The following NELL1 variants were observed in gnomAD, a reference collection of about 807,000 sequenced individuals.
The protein encoded by NELL1 is neural EGFL like 1.
A neutral mutation model predicts 107.4 loss-of-function variants in NELL1; 76 were observed. The ratio of observed to expected loss-of-function variants is 0.71; its 90% confidence interval spans 0.59 to 0.86. The LOEUF is 0.86. Among genes scored for constraint, NELL1 ranks in the 40% least tolerant of loss-of-function variants. NELL1 has a pLI of 0.00. For synonymous variants in NELL1, 353 were observed against 341.2 expected (o/e 1.03, Z -0.38); for missense variants, 1,024 against 1,005.5 (o/e 1.02, Z -0.25).
chr11:21,338,798 G>C (rs531931485), intron 14 of NELL1, among the ~76,000 whole-genome samples: 5 of 152,256 alleles, frequency 3.3e-5, no homozygotes, highest in Admixed American at 2.0e-4. Context: ...GGAAGTAAAT[G>C]ACAAGACTGT....
chr11:20,779,886 T>C (rs1455713684), intron 2 of NELL1, among the ~76,000 whole-genome samples: 1 of 152,236 alleles, frequency 6.6e-6, no homozygotes, highest in Non-Finnish European at 1.5e-5. Flanking sequence ...TAAGGTACTT[T>C]ATCCAAAGTC....
At chr11:21,384,080 A>G (rs1945448) in intron 15 of NELL1, among the ~76,000 whole-genome samples, 4,649 of 151,950 alleles carry the variant, frequency 0.031, 243 homozygotes, top group African/African-American at 0.11. Context: ...ACTTCATATG[A>G]TCTCCACTGC....
At chr11:20,688,390 C>T (rs1182829137) in intron 2 of NELL1, among the ~76,000 whole-genome samples, 1 of 152,086 alleles carries the variant, frequency 6.6e-6, no homozygotes, top group East Asian at 1.9e-4. Context: ...TATCTTCCCC[C>T]TCTCGTAGTT....
In NELL1 at chr11:21,570,870, A is replaced by C. The variant is rs1471102127; in HGVS notation, c.2087A>C (p.Asp696Ala). The C allele has an allele frequency of 6.2e-7, 1 of 1,611,918 alleles. No homozygotes were observed. The highest frequency in any genetic ancestry group is 1.3e-5 in the African/African-American group (1 of 74,728). The change falls in exon 18 of 20, where the codon GAC becomes GCC. Residue 696 changes from aspartate (D) to alanine (A), a missense_variant. By Grantham distance (126) the Asp-to-Ala change is moderately radical. Transcript: ENST00000357134. ...ACCAGAGTCACAAGTCAATGTTTAG[A>C]CCAAAATGGTCACAAGCTGTATCGA... ...CDTRVTSQCL[D>A]QNGHKLYRSG...
intron 3 of NELL1, among the ~76,000 whole-genome samples, chr11:20,790,349 A>G (rs1281792462): frequency 6.6e-6 from 1 of 152,206 alleles, no homozygotes; most frequent in East Asian, 1.9e-4. Context: ...GTGTGTCAGC[A>G]CTGCCCTGAG....
chr11:20,956,665 T>G (rs967352127), intron 11 of NELL1, among the ~76,000 whole-genome samples: 3 of 151,058 alleles, frequency 2.0e-5, no homozygotes, highest in Middle Eastern at 3.2e-3. Flanking sequence ...AAAAAAAAAT[T>G]ACTAATCTCA....
intron 2 of NELL1, among the ~76,000 whole-genome samples, chr11:20,740,083 G>T (rs114175688): frequency 0.019 from 2,926 of 152,260 alleles, 83 homozygotes; most frequent in African/African-American, 0.067. Context: ...ATTTCAGTGA[G>T]GGAAGAATAG....
rs561246645 is a variant in NELL1, at chr11:20,986,570, C to T, written c.1300+26010C>T. 1.8e-4 allele frequency among the ~76,000 whole-genome samples: 27 copies of T among 152,110 alleles called. 1 individual carries two copies. The highest frequency in any genetic ancestry group is 1.3e-4 in the Non-Finnish European group (9 of 68,014). ...TCACTTGGACCCAGGTGCCTGGGCC[C>T]CACCCTTAGAGTTTCTGATTCATTA... On this transcript the variant is annotated intron_variant, in intron 12 of 19. Transcript: ENST00000357134.
At chr11:20,852,304 A>T (rs1848808918) in intron 4 of NELL1, among the ~76,000 whole-genome samples, 1 of 152,220 alleles carries the variant, frequency 6.6e-6, no homozygotes, top group Non-Finnish European at 1.5e-5. Flanking sequence ...GCTATTTATT[A>T]TCCATAGAGC....
chr11:21,416,272 G>T (rs1288642220), intron 15 of NELL1, among the ~76,000 whole-genome samples: 1 of 152,034 alleles, frequency 6.6e-6, no homozygotes, highest in Non-Finnish European at 1.5e-5. Flanking sequence ...TCATAGAAGG[G>T]TGATGTGCTA....
intron 13 of NELL1, among the ~76,000 whole-genome samples, chr11:21,202,381 T>C (rs543467469): frequency 4.3e-4 from 65 of 152,278 alleles, no homozygotes; most frequent in African/African-American, 1.6e-3. Context: ...GGAATTTATC[T>C]ATTTCTTCTA....
intron 7 of NELL1, among the ~76,000 whole-genome samples, chr11:20,924,657 C>T (rs376936405): frequency 5.3e-4 from 80 of 152,160 alleles, no homozygotes; most frequent in African/African-American, 1.8e-3. Context: ...ATATAGACAC[C>T]AGAATTGTTC....
chr11:21,226,364 C>G (rs1380290627), intron 13 of NELL1, among the ~76,000 whole-genome samples: 1 of 152,150 alleles, frequency 6.6e-6, no homozygotes, highest in Non-Finnish European at 1.5e-5. Flanking sequence ...TCAGCCACAT[C>G]CAAATTAACT....
intron 14 of NELL1, among the ~76,000 whole-genome samples, chr11:21,358,244 A>AT (rs1187699000): frequency 6.6e-6 from 1 of 152,004 alleles, no homozygotes; most frequent in African/African-American, 2.4e-5. Context: ...GCAGTATGTG[A>AT]TTTTCACAAT....
At chr11:21,266,866 A>T (rs1398575598) in intron 14 of NELL1, among the ~76,000 whole-genome samples, 1 of 152,114 alleles carries the variant, frequency 6.6e-6, no homozygotes, top group East Asian at 1.9e-4. Flanking sequence ...ATTTACCATT[A>T]TAAGAATGTC....
intron 13 of NELL1, among the ~76,000 whole-genome samples, chr11:21,166,643 CA>C (rs200841154): frequency 2.6e-5 from 4 of 151,708 alleles, no homozygotes; most frequent in Non-Finnish European, 5.9e-5. Flanking sequence ...TAGAAGCGCA[CA>C]AAAAATCTGT....
intron 15 of NELL1, among the ~76,000 whole-genome samples, chr11:21,448,648 C>G (rs141134220): frequency 5.3e-5 from 8 of 152,132 alleles, no homozygotes; most frequent in African/African-American, 1.9e-4. Flanking sequence ...ACCCATGAAA[C>G]CATCAGCACA....
At chr11:20,694,074 G>T in intron 2 of NELL1, among the ~76,000 whole-genome samples, 1 of 151,972 alleles carries the variant, frequency 6.6e-6, no homozygotes, top group East Asian at 1.9e-4. Context: ...CCAGTTGATT[G>T]CATGGGCTCC....
chr11:21,195,773 G>A (rs1857139199), intron 13 of NELL1, among the ~76,000 whole-genome samples: 1 of 152,064 alleles, frequency 6.6e-6, no homozygotes, highest in Non-Finnish European at 1.5e-5. Context: ...CATATTTGAA[G>A]GGCTCAATGG....
Sources: gnomAD v4.1 joint callset for allele counts (sites outside exome capture counted in the v4.1 genomes callset) on GRCh38, gnomAD v4.1.1 for gene constraint, MANE v1.5 for transcripts, NCBI Gene and HGNC (gene_info 2026-07-23, HGNC 2026-07-21) for gene names.